The following RSU1 variants were observed in gnomAD, a reference collection of about 807,000 sequenced individuals.
RSU1 encodes the protein Ras suppressor protein 1.
Under a neutral mutation model 31.1 loss-of-function variants are expected in RSU1, and 26 were observed. The observed-to-expected ratio is 0.84, with a 90% CI of 0.61 to 1.16. The LOEUF (loss-of-function observed/expected upper bound fraction) is 1.16, where lower values mean the gene tolerates loss of function less well. Ranked by LOEUF, RSU1 falls within the 50% of genes most tolerant of loss-of-function variation. The pLI is 0.00. For missense variants in RSU1, 320 were observed against 339.1 expected, an observed-to-expected ratio of 0.94 and a Z score of 0.44; for synonymous variants, 164 against 136.3, an observed-to-expected ratio of 1.20 and a Z score of -1.41.
At chr10:16,748,551 C>A (rs1245138715) in intron 7 of RSU1, among the ~76,000 whole-genome samples, 1 of 152,168 alleles carries the variant, frequency 6.6e-6, no homozygotes, top group Non-Finnish European at 1.5e-5. Context: ...AGGACGGGAG[C>A]ATCTATAGGA....
At chr10:16,799,712 C>T (rs1218615325) in intron 2 of RSU1, among the ~76,000 whole-genome samples, 1 of 152,106 alleles carries the variant, frequency 6.6e-6, no homozygotes, top group Non-Finnish European at 1.5e-5. Context: ...CTCTCCTTAA[C>T]AAACAGAGAA....
At chr10:16,743,273 T>C (rs1196622021) in intron 7 of RSU1, among the ~76,000 whole-genome samples, 7 of 152,200 alleles carry the variant, frequency 4.6e-5, no homozygotes, top group Non-Finnish European at 7.3e-5. Context: ...GGTATACCAT[T>C]GGGAGGAATG....
intron 7 of RSU1, among the ~76,000 whole-genome samples, chr10:16,731,595 A>T (rs1027035415): frequency 2.0e-5 from 3 of 152,192 alleles, no homozygotes; most frequent in African/African-American, 7.2e-5. Context: ...TAGAATTAAC[A>T]CGCTAATTTA....
At chr10:16,726,288 AGACAGAGTCTTGCTCTGT>A in intron 7 of RSU1, among the ~76,000 whole-genome samples, 1 of 106,820 alleles carries the variant, frequency 9.4e-6, no homozygotes, top group Non-Finnish European at 1.7e-5. Context: ...TTTTTTTTTG[AGACAGAGTCTTGCTCTGT>A]CACCAGGTTA....
intron 2 of RSU1, among the ~76,000 whole-genome samples, chr10:16,803,885 T>A (rs1023822022): frequency 6.6e-6 from 1 of 152,060 alleles, no homozygotes; most frequent in East Asian, 1.9e-4. Context: ...TTTCTAGATA[T>A]AACAAAGGAG....
At chr10:16,647,088 C>T (rs1228643029) in intron 8 of RSU1, among the ~76,000 whole-genome samples, 2 of 152,048 alleles carry the variant, frequency 1.3e-5, no homozygotes, top group Non-Finnish European at 1.5e-5. Flanking sequence ...AGCGATTCTC[C>T]TGCCTCAGCC....
intron 8 of RSU1, among the ~76,000 whole-genome samples, chr10:16,656,394 T>C (rs1485541887): frequency 6.6e-6 from 1 of 152,226 alleles, no homozygotes. Context: ...ACTTAATCAA[T>C]CAAATCTCAC....
intron 3 of RSU1, among the ~76,000 whole-genome samples, chr10:16,779,104 G>A (rs1287053095): frequency 6.6e-6 from 1 of 152,150 alleles, no homozygotes; most frequent in African/African-American, 2.4e-5. Context: ...AACACATCAT[G>A]CATATATACA....
At chr10:16,673,607 A>G (rs1835162746) in intron 8 of RSU1, among the ~76,000 whole-genome samples, 1 of 152,216 alleles carries the variant, frequency 6.6e-6, no homozygotes, top group Non-Finnish European at 1.5e-5. Context: ...GCACGTGATC[A>G]TGCCTGACTG....
rs200542240 is a variant in RSU1 at position 16,767,711 on chromosome 10, AG to A, written c.161-3202del. On this transcript the variant is annotated intron_variant, in intron 3 of 8. Coordinates refer to ENST00000345264, the MANE Select transcript of RSU1 (RefSeq NM_012425.4). ...AACCAATATTTAGAGAATGCTGATT[AG>A]GTGCACAGTGCCATACTTTGCACAC... 6.9e-3 allele frequency among the ~76,000 whole-genome samples: 1,057 copies of A among 152,346 alleles called. 22 individuals are homozygous for A. Among genetic ancestry groups the A allele is most frequent in the African/African-American group, 0.024 (1,015 of 41,574 alleles).
chr10:16,717,980 T>C (rs1836177112), intron 7 of RSU1, among the ~76,000 whole-genome samples: 1 of 151,508 alleles, frequency 6.6e-6, no homozygotes, highest in African/African-American at 2.4e-5. Flanking sequence ...TGAAATACTG[T>C]CACAGTAACA....
At position 16,764,377 on chromosome 10, in the gene RSU1, C is replaced by T; in HGVS notation, c.281+13G>A. The T allele has an allele frequency of 6.2e-7, 1 of 1,608,624 alleles. No homozygotes were observed. The highest frequency in any genetic ancestry group is 1.7e-4 in the Middle Eastern group (1 of 6,048). Reference sequence around the variant, plus strand: ...CTCTTCCTCTCCATCCTTTCCGCTCCACTGATACTCACCCAAGGTTCAGGT... The same window carrying T: ...CTCTTCCTCTCCATCCTTTCCGCTCTACTGATACTCACCCAAGGTTCAGGT... On this transcript the variant is annotated intron_variant, in intron 4 of 8. Coordinates refer to ENST00000345264, the MANE Select transcript of RSU1 (RefSeq NM_012425.4).
intron 8 of RSU1, among the ~76,000 whole-genome samples, chr10:16,603,763 T>C (rs1833751002): frequency 6.6e-6 from 1 of 152,206 alleles, no homozygotes; most frequent in African/African-American, 2.4e-5. Flanking sequence ...CTTTTATTTA[T>C]GAAAAGAAAG....
chr10:16,653,940 C>T (rs928709840), intron 8 of RSU1, among the ~76,000 whole-genome samples: 2 of 152,012 alleles, frequency 1.3e-5, no homozygotes, highest in Non-Finnish European at 2.9e-5. Context: ...ATTAATAATG[C>T]CTGTTTCTCC....
chr10:16,795,095 T>G (rs1487559811), intron 2 of RSU1, among the ~76,000 whole-genome samples: 1 of 152,262 alleles, frequency 6.6e-6, no homozygotes, highest in Non-Finnish European at 1.5e-5. Flanking sequence ...GGCTCATGCC[T>G]GTATTTCCAG....
intron 4 of RSU1, among the ~76,000 whole-genome samples, chr10:16,757,498 G>A (rs528125518): frequency 1.1e-4 from 16 of 152,284 alleles, no homozygotes; most frequent in African/African-American, 3.1e-4. Flanking sequence ...CTACTGCCAC[G>A]ACAGCAAGAA....
At chr10:16,700,042 GCAGCCC>G (rs920551590) in intron 7 of RSU1, among the ~76,000 whole-genome samples, 5 of 152,112 alleles carry the variant, frequency 3.3e-5, no homozygotes, top group African/African-American at 1.2e-4. Flanking sequence ...ATAGACAATT[GCAGCCC>G]CATTAATAAG....
intron 2 of RSU1, among the ~76,000 whole-genome samples, chr10:16,802,053 G>A (rs1296460851): frequency 3.3e-5 from 5 of 151,780 alleles, no homozygotes; most frequent in African/African-American, 9.7e-5. Flanking sequence ...TGAACTACAA[G>A]TAAACAGAAA....
chr10:16,617,023 T>C (rs1833989329), intron 8 of RSU1, among the ~76,000 whole-genome samples: 1 of 152,196 alleles, frequency 6.6e-6, no homozygotes, highest in Admixed American at 6.5e-5. Context: ...AGTATTCAAC[T>C]AGGAAGAGAG....
Sources: gnomAD v4.1 joint callset for allele counts (sites outside exome capture counted in the v4.1 genomes callset) on GRCh38, gnomAD v4.1.1 for gene constraint, MANE v1.5 for transcripts, NCBI Gene and HGNC (gene_info 2026-07-23, HGNC 2026-07-21) for gene names.